Variants in TRAPPC12 observed in about 807,000 individuals in gnomAD.
The protein encoded by TRAPPC12 is TPR repeat protein 15.
TRAPPC12 carries 61 observed loss-of-function variants against 69.2 expected under a neutral mutation model. That is an observed-to-expected ratio of 0.88 (90% CI 0.72 to 1.09). TRAPPC12 has a LOEUF of 1.09. Ranked by LOEUF, TRAPPC12 falls within the 50% of genes least tolerant of loss-of-function variation. TRAPPC12 has a pLI of 0.00. For synonymous variants in TRAPPC12, 469 were observed against 438.9 expected, an observed-to-expected ratio of 1.07 and a Z score of -0.86; for missense variants, 1,101 against 1,016.4, an observed-to-expected ratio of 1.08 and a Z score of -1.13.
rs1394466069 is a variant in TRAPPC12, at chr2:3,388,208, A to G, written c.585A>G (p.Thr195=). The change falls in exon 2 of 12, where the codon ACA becomes ACG. Residue 195 remains threonine (T), a synonymous_variant. Coordinates refer to ENST00000324266, the MANE Select transcript of TRAPPC12 (RefSeq NM_016030.6). ...FGGASEASAR[T]PPQVVQPSPS... ...GCGCCAGCGAGGCCTCGGCCAGGAC[A>G]CCGCCCCAGGTCGTGCAGCCCAGCC... 6.2e-7 allele frequency: 1 copy of G among 1,608,822 alleles called. No homozygotes were observed. The highest frequency in any genetic ancestry group is 8.5e-7 in the Non-Finnish European group (1 of 1,177,812).
chr2:3,387,441 TAACAC>T (rs1210379240), intron 1 of TRAPPC12, among the ~76,000 whole-genome samples, 174 bp from the exon 2 acceptor site: 2 of 152,224 alleles, frequency 1.3e-5, no homozygotes, highest in African/African-American at 4.8e-5. Context: ...TAGATGTACT[TAACAC>T]TACTGAACTT....
At chr2:3,393,125 T>A (rs923615652) in intron 2 of TRAPPC12, among the ~76,000 whole-genome samples, 2 of 149,380 alleles carry the variant, frequency 1.3e-5, no homozygotes, top group Non-Finnish European at 3.0e-5. Context: ...AAAAAAAAAA[T>A]GTTTTTAAAG....
intron 3 of TRAPPC12, among the ~76,000 whole-genome samples, chr2:3,417,441 C>T (rs1662482333): frequency 6.6e-6 from 1 of 151,602 alleles, no homozygotes; most frequent in African/African-American, 2.4e-5. Context: ...CAGCTGGATT[C>T]GTTTTCCAAA....
At chr2:3,424,416 T>C in intron 4 of TRAPPC12, 109 bp from the exon 5 acceptor site, 2 of 931,456 alleles carry the variant, frequency 2.1e-6, no homozygotes, top group Non-Finnish European at 1.6e-6. Flanking sequence ...GGTTAGCCCT[T>C]ATTTTAATAT....
intron 8 of TRAPPC12, among the ~76,000 whole-genome samples, chr2:3,461,570 C>G (rs925170197): frequency 6.6e-6 from 1 of 152,244 alleles, no homozygotes; most frequent in Non-Finnish European, 1.5e-5. Context: ...TCACACAGCT[C>G]TCTCCTCTCC....
At chr2:3,464,669 T>C (rs925574180) in intron 8 of TRAPPC12, among the ~76,000 whole-genome samples, 6 of 152,226 alleles carry the variant, frequency 3.9e-5, no homozygotes, top group Non-Finnish European at 5.9e-5. Context: ...ATCACTGTCA[T>C]CCTGGAGAGA....
intron 1 of TRAPPC12, among the ~76,000 whole-genome samples, chr2:3,383,396 T>TCCCCCCCCCCCCCCCC: frequency 6.7e-6 from 1 of 150,118 alleles, no homozygotes; most frequent in African/African-American, 2.5e-5. Flanking sequence ...TAATTTTTGA[T>TCCCCCCCCCCCCCCCC]CCCCCACCCC....
intron 9 of TRAPPC12, among the ~76,000 whole-genome samples, chr2:3,471,183 C>A (rs1230624019): frequency 1.3e-5 from 2 of 152,222 alleles, no homozygotes; most frequent in African/African-American, 4.8e-5. Flanking sequence ...ACGTATTCTA[C>A]TTTTGAATAG....
chr2:3,389,359 C>G (rs1392394743), intron 2 of TRAPPC12, among the ~76,000 whole-genome samples: 1 of 152,202 alleles, frequency 6.6e-6, no homozygotes, highest in Non-Finnish European at 1.5e-5. Context: ...GTGGGTTGTG[C>G]GAGCAACTGA....
intron 8 of TRAPPC12, among the ~76,000 whole-genome samples, chr2:3,462,195 G>T (rs1201600350): frequency 6.6e-6 from 1 of 152,200 alleles, no homozygotes; most frequent in African/African-American, 2.4e-5. Flanking sequence ...ACGACGGAAT[G>T]GGCTTTTCTT....
At chr2:3,384,177 T>C (rs1660386110) in intron 1 of TRAPPC12, among the ~76,000 whole-genome samples, 1 of 152,180 alleles carries the variant, frequency 6.6e-6, no homozygotes, top group Non-Finnish European at 1.5e-5. Context: ...ATTACAGGCC[T>C]GAACCACCGT....
At chr2:3,465,997 C>T (rs553903087) in intron 9 of TRAPPC12, among the ~76,000 whole-genome samples, 7 of 152,326 alleles carry the variant, frequency 4.6e-5, no homozygotes, top group Admixed American at 2.0e-4. Context: ...CTGACTAAAC[C>T]GTGAGGAATC....
intron 3 of TRAPPC12, among the ~76,000 whole-genome samples, chr2:3,404,160 T>C (rs1187643672): frequency 6.6e-6 from 1 of 152,110 alleles, no homozygotes; most frequent in Admixed American, 6.6e-5. Flanking sequence ...CAGATCGCGG[T>C]TGTGTGAGGG....
chr2:3,408,371 A>G (rs1661846586), intron 3 of TRAPPC12, among the ~76,000 whole-genome samples: 1 of 152,222 alleles, frequency 6.6e-6, no homozygotes, highest in Admixed American at 6.5e-5. Context: ...TCACACCTGT[A>G]ATCCCAGCAC....
At chr2:3,411,524 G>C (rs189324709) in intron 3 of TRAPPC12, among the ~76,000 whole-genome samples, 2 of 152,252 alleles carry the variant, frequency 1.3e-5, no homozygotes, top group African/African-American at 4.8e-5. Flanking sequence ...TGTGTTATAC[G>C]TATGTGTGTG....
intron 3 of TRAPPC12, among the ~76,000 whole-genome samples, chr2:3,410,509 G>T (rs1661998388): frequency 6.6e-6 from 1 of 152,108 alleles, no homozygotes. Flanking sequence ...AATCATTTAT[G>T]GAGTACTTTA....
chr2:3,444,970 A>T (rs1319858658), intron 6 of TRAPPC12, among the ~76,000 whole-genome samples: 1 of 152,238 alleles, frequency 6.6e-6, no homozygotes, highest in Non-Finnish European at 1.5e-5. Context: ...GAATCTTAAA[A>T]CGGGGTTTAA....
Position 3,460,376 on chromosome 2 carries a change from A to G in TRAPPC12, c.1677+40A>G, listed in dbSNP as rs79611489. The G allele has an allele frequency of 0.013, 10,916 of 858,208 alleles. 934 individuals are homozygous for G. The East Asian group carries it at 0.21, about 16-fold the overall frequency. The allele number at this position is 858,208 out of a possible 1,614,324, so 53.2% of individuals were successfully genotyped here. ...AAGCAGGGCTGCCATGTGATCTGGA[A>G]GAGCGGGGTCAGTGGGAGCCGCGAG... On this transcript the variant is annotated intron_variant, in intron 8 of 11. Transcript: ENST00000324266.
At chr2:3,407,489 T>G (rs1172912296) in intron 3 of TRAPPC12, among the ~76,000 whole-genome samples, 1 of 152,216 alleles carries the variant, frequency 6.6e-6, no homozygotes, top group Non-Finnish European at 1.5e-5. Flanking sequence ...TGTGGTATAC[T>G]TTAGATTCTG....
Sources: allele counts gnomAD v4.1 joint callset (sites outside exome capture counted in the v4.1 genomes callset), GRCh38; gene constraint gnomAD v4.1.1; transcripts MANE v1.5; gene names NCBI Gene and HGNC (gene_info 2026-07-23, HGNC 2026-07-21).